Variants in TLE2 observed in about 807,000 individuals in gnomAD.
The protein encoded by TLE2 is transducin-like enhancer protein 2.
Under a neutral mutation model 97.2 loss-of-function variants are expected in TLE2, and 74 were observed. The observed-to-expected ratio is 0.76, with a 90% confidence interval of 0.63 to 0.92. The LOEUF is 0.92. Ranked by LOEUF, TLE2 falls within the 40% of genes least tolerant of loss-of-function variation. The pLI, the probability that TLE2 is intolerant of heterozygous loss-of-function variation, is 0.00. For synonymous variants in TLE2, 499 were observed against 432.1 expected, an observed-to-expected ratio of 1.15 and a Z score of -1.92; for missense variants, 1,038 against 1,008.7, an observed-to-expected ratio of 1.03 and a Z score of -0.39.
chr19:3,017,421 C>T (rs2089733419), intron 8 of TLE2, among the ~76,000 whole-genome samples: 1 of 150,860 alleles, frequency 6.6e-6, no homozygotes, highest in South Asian at 2.1e-4. Context: ...TACAGGCACG[C>T]ACCTGGCCTG....
At chr19:3,011,373 C>A (rs2089592290) in intron 11 of TLE2, among the ~76,000 whole-genome samples, 1 of 151,198 alleles carries the variant, frequency 6.6e-6, no homozygotes, top group Admixed American at 6.6e-5. Flanking sequence ...ACTAAAAATA[C>A]AAAAAAAGAT....
intron 7 of TLE2, among the ~76,000 whole-genome samples, chr19:3,018,743 T>G (rs1031949699): frequency 2.6e-5 from 4 of 151,986 alleles, no homozygotes; most frequent in Non-Finnish European, 5.9e-5. Context: ...GCCTCCCGAG[T>G]AGCTGAGATT....
chr19:3,018,762 C>T (rs935174361), intron 7 of TLE2, among the ~76,000 whole-genome samples: 1 of 151,950 alleles, frequency 6.6e-6, no homozygotes, highest in African/African-American at 2.4e-5. Context: ...TTACAGGCAC[C>T]CGCCACCACT....
At chr19:3,013,596 T>C in intron 11 of TLE2, 73 bp downstream of exon 11, 2 of 1,279,868 alleles carry the variant, frequency 1.6e-6, no homozygotes, top group Non-Finnish European at 2.0e-6. Flanking sequence ...GCCCTCTGCA[T>C]CATGGGGTAG....
intron 1 of TLE2, among the ~76,000 whole-genome samples, chr19:3,034,871 T>A (rs1408789483): frequency 1.3e-5 from 2 of 152,068 alleles, no homozygotes; most frequent in Non-Finnish European, 2.9e-5. Flanking sequence ...CAGGGACACG[T>A]ACCCTCCCAG....
Position 2,997,805 on chromosome 19 carries a change from C to A in TLE2, c.*43G>T. The A allele has an allele frequency of 6.9e-7, 1 of 1,439,184 alleles. No homozygotes were observed. The allele number at this position is 1,439,184 out of a possible 1,614,324, so 89.2% of individuals were successfully genotyped here. On this transcript the variant is annotated 3_prime_UTR_variant, in exon 20 of 20. Coordinates refer to ENST00000262953, the MANE Select transcript of TLE2 (RefSeq NM_003260.5). ...GGATGTCTGTCCTGGCTGCTGATTC[C>A]CCTGGGAGTCTGGACTTCGGGTACA...
Position 3,005,559 on chromosome 19 carries a change from C to T in TLE2, c.1774G>A (p.Ala592Thr), listed in dbSNP as rs1489276289. 5 of 1,613,220 alleles carry T rather than the reference C, an allele frequency of 3.1e-6. No individual in the cohort carries two copies. The highest frequency in any genetic ancestry group is 1.7e-5 in the Admixed American group (1 of 59,864). Residue 592 changes from alanine to threonine, a missense_variant, in exon 17 of 20, where the codon GCC (alanine) becomes ACC (threonine). Coordinates refer to ENST00000262953, the MANE Select transcript of TLE2 (RefSeq NM_003260.5). ...TAATCGGAAATATCAATGCAGCTGGCGCCGTCCGTGTGGCCCTGGAACTGC... is the reference window on the plus strand; with the variant it reads ...TAATCGGAAATATCAATGCAGCTGGTGCCGTCCGTGTGGCCCTGGAACTGC... ...VRQFQGHTDG[A>T]SCIDISDYGT... is the part of the protein sequence containing the mutation.
chr19:3,043,719 A>G (rs996400671), intron 1 of TLE2, among the ~76,000 whole-genome samples: 10 of 151,772 alleles, frequency 6.6e-5, no homozygotes, highest in Non-Finnish European at 1.2e-4. Flanking sequence ...CTGAGGCAGG[A>G]GAATGGCGTG....
intron 1 of TLE2, among the ~76,000 whole-genome samples, chr19:3,041,013 ATTTTTTTTTTTT>A (rs1168699418): frequency 1.0e-4 from 3 of 28,966 alleles, no homozygotes; most frequent in East Asian, 1.0e-3. Context: ...ATATATATAT[ATTTTTTTTTTTT>A]TTTTTTTTTT....
chr19:3,033,770 AG>A (rs1835317537), upstream of TLE2, among the ~76,000 whole-genome samples: 1 of 152,146 alleles, frequency 6.6e-6, no homozygotes, highest in African/African-American at 2.4e-5. Flanking sequence ...TTGTAATCCC[AG>A]CACTTTGGGA....
At chr19:3,030,008 T>C (rs1198029896), upstream of TLE2, among the ~76,000 whole-genome samples, 1 of 152,164 alleles carries the variant, frequency 6.6e-6, no homozygotes, top group Non-Finnish European at 1.5e-5. Context: ...CGTCTCACTA[T>C]GTTGCCCAGG....
At chr19:3,006,245 C>T in intron 15 of TLE2, 175 bp downstream of exon 15, 9 of 1,169,274 alleles carry the variant, frequency 7.7e-6, no homozygotes, top group Non-Finnish European at 1.0e-5. Context: ...GCCAGAGCCC[C>T]ACCCCTTTGG....
chr19:3,012,891 A>G lies in TLE2; in HGVS notation c.873+778T>C, dbSNP rs185559714. 4.8e-3 allele frequency among the ~76,000 whole-genome samples: 737 copies of G among 152,184 alleles called. 11 individuals carry two copies. The highest frequency in any genetic ancestry group is 0.016 in the African/African-American group (663 of 41,508). ...CGGCACCCGCGAGAGAGTGGATGGG[A>G]CGACTGTGGGGTCAGGGAGGACCCC... On this transcript the variant is annotated intron_variant, in intron 11 of 19. Coordinates refer to ENST00000262953, the MANE Select transcript of TLE2 (RefSeq NM_003260.5).
At chr19:3,018,968 T>G (rs1316683356) in intron 7 of TLE2, among the ~76,000 whole-genome samples, 1 of 152,124 alleles carries the variant, frequency 6.6e-6, no homozygotes, top group South Asian at 2.1e-4. Flanking sequence ...CTTGCTATGT[T>G]GCTTGGGCTG....
chr19:3,014,677 G>T, intron 9 of TLE2, 63 bp from the exon 10 acceptor site: 2 of 1,441,740 alleles, frequency 1.4e-6, no homozygotes, highest in Non-Finnish European at 1.9e-6. Flanking sequence ...CCCCCTATCC[G>T]CTCCTCAGGA....
At chr19:3,014,461 A>C (rs1279541356) in intron 10 of TLE2, 109 bp downstream of exon 10, 1 of 1,099,512 alleles carries the variant, frequency 9.1e-7, no homozygotes, top group African/African-American at 1.6e-5. Context: ...CAGCTGTCCC[A>C]CAGAGCGGGG....
chr19:3,041,108 C>A (rs1408517021), intron 1 of TLE2, among the ~76,000 whole-genome samples: 1 of 140,044 alleles, frequency 7.1e-6, no homozygotes, highest in East Asian at 2.2e-4. Flanking sequence ...CTTACTGCAA[C>A]CTCCACCTCC....
Position 3,036,507 on chromosome 19 carries a change from C to T in TLE2, c.64-7704G>A, listed in dbSNP as rs2090064248. On this transcript the variant is annotated intron_variant, in intron 1 of 18. Transcript: ENST00000426948. The stretch of plus-strand genomic sequence containing the variant: ...ACACCGCCAACCTCTGCCTACCGCC[C>T]CCTCCAGCCGAACTGCCGGGCCACC... Among the ~76,000 whole-genome samples the T allele has an allele frequency of 2.6e-5, 4 of 152,346 alleles. No homozygotes were observed. In the South Asian group the frequency reaches 8.3e-4, roughly 32 times the overall value.
intron 7 of TLE2, among the ~76,000 whole-genome samples, chr19:3,018,756 A>T: frequency 6.6e-6 from 1 of 151,992 alleles, no homozygotes; most frequent in East Asian, 1.9e-4. Flanking sequence ...CTGAGATTAC[A>T]GGCACCCGCC....
Sources: gnomAD v4.1 joint callset for allele counts (sites outside exome capture counted in the v4.1 genomes callset) on GRCh38, gnomAD v4.1.1 for gene constraint, MANE v1.5 for transcripts, NCBI Gene and HGNC (gene_info 2026-07-23, HGNC 2026-07-21) for gene names.